Variants in SNTG1 observed in about 807,000 individuals in gnomAD.
The protein encoded by SNTG1 is syntrophin gamma 1, also known as gamma-1-syntrophin.
Under a neutral mutation model 74.7 loss-of-function variants are expected in SNTG1, and 39 were observed. The observed-to-expected ratio is 0.52, with a 90% CI of 0.40 to 0.68. SNTG1 has a LOEUF of 0.68. SNTG1 is among the 30% of genes least tolerant of loss of function. The probability of loss-of-function intolerance (pLI) is 0.00; values close to 1 mark genes in which losing one functional copy is unlikely to be tolerated. For missense variants in SNTG1, 685 were observed against 609.5 expected (o/e 1.12, Z -1.30); for synonymous variants, 254 against 217.1 (o/e 1.17, Z -1.49).
chr8:50,672,151 A>G (rs567417541), intron 15 of SNTG1, among the ~76,000 whole-genome samples: 1 of 151,862 alleles, frequency 6.6e-6, no homozygotes, highest in African/African-American at 2.4e-5. Context: ...ATATGTAACT[A>G]ACCTGCACAT....
At chr8:49,938,603 T>TTTTTTTTCTTTTCTTTTTCTTTC (rs1554524905) in intron 1 of SNTG1, among the ~76,000 whole-genome samples, 3 of 74,754 alleles carry the variant, frequency 4.0e-5, no homozygotes, top group African/African-American at 1.4e-4. Context: ...TTTTCTTTTC[T>TTTTTTTTCTTTTCTTTTTCTTTC]TTTCTTTCTT....
chr8:50,684,830 G>T (rs2131405714), intron 15 of SNTG1, among the ~76,000 whole-genome samples: 1 of 148,704 alleles, frequency 6.7e-6, no homozygotes, highest in South Asian at 2.1e-4. Context: ...CTGGTGCGCT[G>T]CACCCACTAA....
At chr8:50,083,701 C>T (rs1822616011) in intron 1 of SNTG1, among the ~76,000 whole-genome samples, 1 of 152,046 alleles carries the variant, frequency 6.6e-6, no homozygotes, top group East Asian at 1.9e-4. Flanking sequence ...GTTAATATCC[C>T]TTGTGGTGGT....
At chr8:50,611,212 C>T (rs1045355510) in intron 13 of SNTG1, among the ~76,000 whole-genome samples, 1 of 152,146 alleles carries the variant, frequency 6.6e-6, no homozygotes, top group Non-Finnish European at 1.5e-5. Context: ...CCAACCTTAG[C>T]AGTCTCTGCA....
chr8:50,303,841 TAAC>T (rs2089759263), intron 2 of SNTG1, among the ~76,000 whole-genome samples: 1 of 152,136 alleles, frequency 6.6e-6, no homozygotes, highest in African/African-American at 2.4e-5. Context: ...ATTTCAATAT[TAAC>T]AACTCCATTT....
intron 18 of SNTG1, among the ~76,000 whole-genome samples, chr8:50,788,296 C>A (rs746053886): frequency 2.0e-5 from 3 of 151,980 alleles, no homozygotes; most frequent in Non-Finnish European, 2.9e-5. Context: ...TGCTATTAAG[C>A]AAGTGATTTA....
At chr8:50,118,379 A>C (rs1393155966) in intron 1 of SNTG1, among the ~76,000 whole-genome samples, 1 of 152,216 alleles carries the variant, frequency 6.6e-6, no homozygotes, top group African/African-American at 2.4e-5. Context: ...TGATAAGAAA[A>C]TGAACTAAGA....
intron 1 of SNTG1, among the ~76,000 whole-genome samples, chr8:50,088,014 G>A (rs1437629963): frequency 1.1e-4 from 15 of 140,726 alleles, no homozygotes; most frequent in African/African-American, 3.2e-4. Context: ...TCCCACCTAT[G>A]AGTGAGAATA....
At chr8:50,110,819 G>A (rs75110428) in intron 1 of SNTG1, among the ~76,000 whole-genome samples, 6 of 151,982 alleles carry the variant, frequency 3.9e-5, no homozygotes, top group African/African-American at 1.5e-4. Context: ...AAAATTTTAT[G>A]TACAAAAATT....
intron 13 of SNTG1, among the ~76,000 whole-genome samples, chr8:50,611,741 G>C (rs528991782): frequency 2.0e-5 from 3 of 152,136 alleles, no homozygotes; most frequent in African/African-American, 4.8e-5. Context: ...TGGGCAACAC[G>C]GAGAGACTCC....
chr8:50,279,142 G>A (rs957402048), intron 2 of SNTG1, among the ~76,000 whole-genome samples: 19 of 151,992 alleles, frequency 1.3e-4, no homozygotes, highest in African/African-American at 3.6e-4. Context: ...AACCATGGTC[G>A]ACACCTAAAT....
At chr8:50,034,713 G>A (rs1818004259) in intron 1 of SNTG1, among the ~76,000 whole-genome samples, 1 of 152,062 alleles carries the variant, frequency 6.6e-6, no homozygotes, top group South Asian at 2.1e-4. Flanking sequence ...GACAGCTGAT[G>A]AGCTAAAGAA....
At chr8:50,050,164 G>T (rs1490108122) in intron 1 of SNTG1, among the ~76,000 whole-genome samples, 2 of 151,296 alleles carry the variant, frequency 1.3e-5, no homozygotes, top group Non-Finnish European at 1.5e-5. Flanking sequence ...GCAAAGGCTG[G>T]CTCTTTGAAA....
chr8:50,492,265 T>C (rs766383451), intron 8 of SNTG1, among the ~76,000 whole-genome samples: 12 of 152,162 alleles, frequency 7.9e-5, no homozygotes, highest in Non-Finnish European at 1.6e-4. Context: ...ATAGGATTGG[T>C]GGGTTAAATG....
At chr8:50,285,690 T>G (rs1340421190) in intron 2 of SNTG1, among the ~76,000 whole-genome samples, 1 of 152,020 alleles carries the variant, frequency 6.6e-6, no homozygotes, top group Non-Finnish European at 1.5e-5. Context: ...TCAATAAAAA[T>G]GGCGACTTCT....
intron 2 of SNTG1, among the ~76,000 whole-genome samples, chr8:50,177,145 T>C (rs1381932960): frequency 6.6e-6 from 1 of 152,202 alleles, no homozygotes; most frequent in East Asian, 1.9e-4. Flanking sequence ...ATTATTCTCA[T>C]AAATCTTGTT....
intron 13 of SNTG1, among the ~76,000 whole-genome samples, chr8:50,617,336 A>G (rs965826821): frequency 6.6e-6 from 1 of 151,742 alleles, no homozygotes; most frequent in Non-Finnish European, 1.5e-5. Flanking sequence ...GGCATGCATA[A>G]AAGGTTAATA....
At chr8:50,491,605 A>AC (rs2093854482) in intron 8 of SNTG1, 2 of 152,138 alleles carry the variant, frequency 1.3e-5, no homozygotes, top group South Asian at 2.1e-4. Context: ...GGCAAGGGCG[A>AC]CCCCGTGGAA....
At chr8:50,370,949 G>C (rs1464146457) in intron 2 of SNTG1, among the ~76,000 whole-genome samples, 1 of 152,138 alleles carries the variant, frequency 6.6e-6, no homozygotes, top group Non-Finnish European at 1.5e-5. Context: ...GATTCTATTA[G>C]GGAGGATTTT....
Sources: allele counts gnomAD v4.1 joint callset (sites outside exome capture counted in the v4.1 genomes callset), GRCh38; gene constraint gnomAD v4.1.1; transcripts MANE v1.5; gene names NCBI Gene and HGNC (gene_info 2026-07-23, HGNC 2026-07-21).